The following MRTFA variants were observed in gnomAD, a reference collection of about 807,000 sequenced individuals.
The protein encoded by MRTFA is myocardin related transcription factor A.
MRTFA carries 20 observed loss-of-function variants against 83.5 expected under a neutral mutation model. The ratio of observed to expected loss-of-function variants is 0.24; its 90% CI spans 0.17 to 0.35. The LOEUF (loss-of-function observed/expected upper bound fraction) is 0.35, where lower values mean the gene tolerates loss of function less well. Among genes scored for constraint, MRTFA ranks in the 10% least tolerant of loss-of-function variants. MRTFA has a pLI of 1.00. For synonymous variants in MRTFA, 659 were observed against 541.2 expected (o/e 1.22, Z -3.02); for missense variants, 1,200 against 1,224.7 (o/e 0.98, Z 0.30).
rs892501139 is a variant in MRTFA, at chr22:40,419,390, A to T, written c.1354-6T>A. 2 of 1,612,736 alleles carry T rather than the reference A, an allele frequency of 1.2e-6. No homozygotes were observed. Among genetic ancestry groups the T allele is most frequent in the Non-Finnish European group, 1.7e-6 (2 of 1,179,888 alleles). On this transcript the variant is annotated splice_region_variant and splice_polypyrimidine_tract_variant and intron_variant, in intron 11 of 14. Coordinates refer to ENST00000355630, the MANE Select transcript of MRTFA (RefSeq NM_020831.6). Reference sequence around the variant, plus strand: ...TCCTGCTTCAGCTCTGCCACCTGCAAGGCAGTCAAGAGTCAGGGAGGCCAG... The same window carrying T: ...TCCTGCTTCAGCTCTGCCACCTGCATGGCAGTCAAGAGTCAGGGAGGCCAG...
chr22:40,463,724 A>G (rs1308348518), intron 3 of MRTFA, among the ~76,000 whole-genome samples: 5 of 152,222 alleles, frequency 3.3e-5, no homozygotes, highest in Non-Finnish European at 7.3e-5. Flanking sequence ...ACTCACACAG[A>G]TCAGGAAGTA....
chr22:40,481,026 G>A (rs553148092), intron 3 of MRTFA, among the ~76,000 whole-genome samples: 13 of 152,156 alleles, frequency 8.5e-5, no homozygotes, highest in South Asian at 2.1e-4. Flanking sequence ...TAGCTGCTCC[G>A]GAAGCTGAGG....
At chr22:40,539,347 T>TC (rs1439278896) in intron 3 of MRTFA, among the ~76,000 whole-genome samples, 2 of 150,990 alleles carry the variant, frequency 1.3e-5, no homozygotes, top group East Asian at 3.9e-4. Context: ...CAATTTTTTT[T>TC]TTTTTTTTTT....
intron 4 of MRTFA, among the ~76,000 whole-genome samples, chr22:40,460,747 G>C (rs1037939188): frequency 1.3e-5 from 2 of 152,156 alleles, no homozygotes; most frequent in Admixed American, 6.5e-5. Context: ...CTGATACAAT[G>C]AACAAGCCAC....
chr22:40,447,544 A>G (rs533181491), intron 4 of MRTFA, among the ~76,000 whole-genome samples: 67 of 152,066 alleles, frequency 4.4e-4, no homozygotes, highest in Non-Finnish European at 7.9e-4. Flanking sequence ...GTGGAAACAC[A>G]GGGAGACAAA....
At chr22:40,519,834 T>G (rs952120290) in intron 3 of MRTFA, among the ~76,000 whole-genome samples, 2 of 152,194 alleles carry the variant, frequency 1.3e-5, no homozygotes, top group East Asian at 1.9e-4. Context: ...CTCTATGAGG[T>G]AATTTTTGCA....
chr22:40,471,311 G>A (rs902631623), intron 3 of MRTFA, among the ~76,000 whole-genome samples: 1 of 150,228 alleles, frequency 6.7e-6, no homozygotes, highest in African/African-American at 2.5e-5. Flanking sequence ...GCTGAGGCAA[G>A]AGAATCGCTT....
chr22:40,438,265 T>C (rs781637059), intron 4 of MRTFA, among the ~76,000 whole-genome samples: 5 of 152,140 alleles, frequency 3.3e-5, no homozygotes, highest in African/African-American at 4.8e-5. Context: ...CTGAACCAAA[T>C]GGTATATGTG....
intron 4 of MRTFA, among the ~76,000 whole-genome samples, chr22:40,453,235 C>G (rs1182126437): frequency 6.6e-6 from 1 of 152,212 alleles, no homozygotes; most frequent in Non-Finnish European, 1.5e-5. Flanking sequence ...GATTCAACTA[C>G]AATTACACAG....
At chr22:40,558,834 A>C in intron 2 of MRTFA, among the ~76,000 whole-genome samples, 1 of 148,084 alleles carries the variant, frequency 6.8e-6, no homozygotes, top group Non-Finnish European at 1.5e-5. Flanking sequence ...TCCACCACCC[A>C]GGCTGCAGTG....
intron 1 of MRTFA, among the ~76,000 whole-genome samples, chr22:40,607,906 G>A (rs974748507): frequency 3.9e-5 from 6 of 152,186 alleles, no homozygotes; most frequent in African/African-American, 1.2e-4. Flanking sequence ...TTTAGACTTT[G>A]GGATTAACAA....
chr22:40,586,941 G>C, intron 2 of MRTFA: 1 of 443,690 alleles, frequency 2.3e-6, no homozygotes, highest in Non-Finnish European at 4.6e-6. Flanking sequence ...TGCTGCTGCT[G>C]CCACCGCCGC....
intron 3 of MRTFA, among the ~76,000 whole-genome samples, chr22:40,486,884 G>C (rs777399874): frequency 1.3e-5 from 2 of 152,180 alleles, no homozygotes; most frequent in Non-Finnish European, 2.9e-5. Flanking sequence ...AAGGCGGGAG[G>C]ATCACTTGAG....
intron 3 of MRTFA, among the ~76,000 whole-genome samples, chr22:40,509,709 T>C (rs972072505): frequency 1.3e-5 from 2 of 152,196 alleles, no homozygotes; most frequent in African/African-American, 4.8e-5. Flanking sequence ...CTTTCAGTAA[T>C]CTAATGGCAA....
At chr22:40,451,962 T>G (rs761745510) in intron 4 of MRTFA, among the ~76,000 whole-genome samples, 273 of 1,714 alleles carry the variant, frequency 0.16, 2 homozygotes, top group South Asian at 0.27. Flanking sequence ...CTGGCTGAAG[T>G]TTTTTTTTTT....
intron 7 of MRTFA, among the ~76,000 whole-genome samples, chr22:40,426,020 C>T (rs960895397): frequency 6.6e-6 from 1 of 152,178 alleles, no homozygotes; most frequent in African/African-American, 2.4e-5. Flanking sequence ...TAAGGGCACA[C>T]TGAGGAGAGA....
chr22:40,553,242 G>A (rs139703109), intron 2 of MRTFA, among the ~76,000 whole-genome samples: 29 of 152,276 alleles, frequency 1.9e-4, no homozygotes, highest in Admixed American at 1.4e-3. Flanking sequence ...TCATTTTCTG[G>A]GGAGAAATTC....
At chr22:40,497,257 T>C (rs2054371462) in intron 3 of MRTFA, among the ~76,000 whole-genome samples, 1 of 152,148 alleles carries the variant, frequency 6.6e-6, no homozygotes, top group Non-Finnish European at 1.5e-5. Context: ...ATCATTTTTG[T>C]TTAAGTCAAA....
intron 4 of MRTFA, among the ~76,000 whole-genome samples, chr22:40,455,802 C>CTGT (rs1241399647): frequency 2.3e-5 from 2 of 87,156 alleles, no homozygotes; most frequent in Non-Finnish European, 2.5e-5. Flanking sequence ...CATGGTATCC[C>CTGT]AGTATGTATG....
Sources: gnomAD v4.1 joint callset for allele counts (sites outside exome capture counted in the v4.1 genomes callset) on GRCh38, gnomAD v4.1.1 for gene constraint, MANE v1.5 for transcripts, NCBI Gene and HGNC (gene_info 2026-07-23, HGNC 2026-07-21) for gene names.